The following NME7 variants were observed in gnomAD, a reference collection of about 807,000 sequenced individuals.
The protein encoded by NME7 is nucleoside diphosphate kinase 7.
A neutral mutation model predicts 49.1 loss-of-function variants in NME7; 41 were observed. The observed-to-expected ratio is 0.83, with a 90% confidence interval of 0.65 to 1.08. The LOEUF (loss-of-function observed/expected upper bound fraction) is 1.08. Ranked by LOEUF, NME7 falls within the 50% of genes least tolerant of loss-of-function variation. The pLI is 0.00. For missense variants in NME7, 423 were observed against 463.4 expected, an observed-to-expected ratio of 0.91 and a Z score of 0.80; for synonymous variants, 139 against 150.6, an observed-to-expected ratio of 0.92 and a Z score of 0.56.
intron 10 of NME7, among the ~76,000 whole-genome samples, chr1:169,202,576 GAAGTT>G (rs1258516489): frequency 6.6e-6 from 1 of 152,164 alleles, no homozygotes; most frequent in Non-Finnish European, 1.5e-5. Context: ...TAGGCCTACA[GAAGTT>G]AAGTAAGGCC....
At chr1:169,230,001 T>A (rs1647531976) in intron 10 of NME7, among the ~76,000 whole-genome samples, 1 of 151,652 alleles carries the variant, frequency 6.6e-6, no homozygotes, top group South Asian at 2.1e-4. Context: ...ATGCCCTGAA[T>A]AAAATTAAAT....
intron 7 of NME7, among the ~76,000 whole-genome samples, chr1:169,269,695 A>G (rs1455459889): frequency 7.5e-6 from 1 of 133,402 alleles, no homozygotes; most frequent in Admixed American, 7.4e-5. Flanking sequence ...GACATGATAA[A>G]TAAGACCTAG....
intron 10 of NME7, among the ~76,000 whole-genome samples, chr1:169,213,848 CACAAACAT>C (rs1660901378): frequency 6.6e-6 from 1 of 151,166 alleles, no homozygotes; most frequent in Admixed American, 6.6e-5. Flanking sequence ...TATATATACA[CACAAACAT>C]ACACACACAT....
intron 9 of NME7, among the ~76,000 whole-genome samples, chr1:169,232,008 A>G (rs1388268687): frequency 6.6e-6 from 1 of 152,226 alleles, no homozygotes; most frequent in Admixed American, 6.5e-5. Context: ...AGAAAACTCA[A>G]TAAATAGACC....
At chr1:169,287,590 G>T (rs1332992662) in intron 6 of NME7, among the ~76,000 whole-genome samples, 182 bp from the exon 7 acceptor site, 1 of 152,020 alleles carries the variant, frequency 6.6e-6, no homozygotes, top group East Asian at 1.9e-4. Flanking sequence ...CCTGTTTCAA[G>T]ACTTAGAACC....
Position 169,272,268 on chromosome 1 carries a change from G to C in NME7, c.754+15035C>G, listed in dbSNP as rs1432674963. On this transcript the variant is annotated intron_variant, in intron 7 of 11. Transcript: ENST00000367811. ...TTACATACAGTATTTTTTGGTTTTA[G>C]TTACATGTGCAATTTTTATTCTTCA... 4.5e-5 allele frequency among the ~76,000 whole-genome samples: 6 copies of C among 132,304 alleles called. 1 individual carries two copies. Among genetic ancestry groups the C allele is most frequent in the African/African-American group, 1.5e-4 (6 of 39,268 alleles). 86.8% of individuals were successfully genotyped at this position (132,304 alleles called of 152,430 possible).
intron 1 of NME7, among the ~76,000 whole-genome samples, chr1:169,349,510 C>T (rs1653074510): frequency 6.6e-6 from 1 of 152,146 alleles, no homozygotes. Flanking sequence ...CTTTCGCTTG[C>T]TTTCTAACAT....
At chr1:169,246,042 T>C (rs1648299247) in intron 7 of NME7, among the ~76,000 whole-genome samples, 1 of 152,022 alleles carries the variant, frequency 6.6e-6, no homozygotes. Context: ...TGCCTTGCAA[T>C]AAGGAAAAAT....
intron 11 of NME7, among the ~76,000 whole-genome samples, chr1:169,168,403 C>T (rs1659475422): frequency 6.6e-6 from 1 of 150,888 alleles, no homozygotes; most frequent in Admixed American, 6.6e-5. Flanking sequence ...GTAACACTAT[C>T]ACACTGTATA....
chr1:169,133,886 A>C (rs1206917786), intron 11 of NME7, among the ~76,000 whole-genome samples: 1 of 152,182 alleles, frequency 6.6e-6, no homozygotes, highest in Non-Finnish European at 1.5e-5. Context: ...AGGAAAGGGG[A>C]GCATTCATTC....
chr1:169,359,668 T>G (rs1016553221), intron 1 of NME7, among the ~76,000 whole-genome samples: 4 of 152,048 alleles, frequency 2.6e-5, no homozygotes, highest in Non-Finnish European at 4.4e-5. Flanking sequence ...TTTATAAACA[T>G]ATATAAAACA....
chr1:169,168,744 G>A (rs144757278), intron 11 of NME7: 10 of 395,740 alleles, frequency 2.5e-5, no homozygotes, highest in East Asian at 1.4e-4. Context: ...GAGCTTCATC[G>A]ATAACAAAAA....
intron 1 of NME7, among the ~76,000 whole-genome samples, chr1:169,341,942 T>C (rs555118615): frequency 1.3e-5 from 2 of 152,212 alleles, no homozygotes; most frequent in African/African-American, 2.4e-5. Context: ...GGCTCACAGG[T>C]AGAAAAGACT....
intron 7 of NME7, among the ~76,000 whole-genome samples, chr1:169,254,324 C>A (rs1246422492): frequency 1.3e-5 from 2 of 152,138 alleles, no homozygotes; most frequent in African/African-American, 4.8e-5. Flanking sequence ...TTATCCATTT[C>A]TTCTCGATTT....
At chr1:169,339,290 A>G (rs1401889336) in intron 1 of NME7, among the ~76,000 whole-genome samples, 2 of 152,180 alleles carry the variant, frequency 1.3e-5, no homozygotes, top group East Asian at 3.8e-4. Context: ...CTACCATCTT[A>G]AAAGAATATA....
At chr1:169,195,715 T>A (rs1187964633) in intron 10 of NME7, among the ~76,000 whole-genome samples, 1 of 152,176 alleles carries the variant, frequency 6.6e-6, no homozygotes, top group Non-Finnish European at 1.5e-5. Context: ...AGAATGGACA[T>A]TTAATTCATC....
chr1:169,312,549 C>T (rs1651437810), intron 3 of NME7, among the ~76,000 whole-genome samples: 1 of 152,182 alleles, frequency 6.6e-6, no homozygotes, highest in Non-Finnish European at 1.5e-5. Context: ...CTTAGCAATA[C>T]ACGGTAACTA....
At chr1:169,318,335 G>A (rs60575235) in intron 3 of NME7, among the ~76,000 whole-genome samples, 1,794 of 152,286 alleles carry the variant, frequency 0.012, 45 homozygotes, top group African/African-American at 0.041. Flanking sequence ...TTGGAGGGAA[G>A]AATGGAGACT....
intron 11 of NME7, among the ~76,000 whole-genome samples, chr1:169,161,476 T>A (rs1392917691): frequency 2.0e-5 from 3 of 152,208 alleles, no homozygotes; most frequent in Non-Finnish European, 4.4e-5. Context: ...TTCTGATTAA[T>A]CCTTGATTCA....
Sources: allele counts gnomAD v4.1 joint callset (sites outside exome capture counted in the v4.1 genomes callset), GRCh38; gene constraint gnomAD v4.1.1; transcripts MANE v1.5; gene names NCBI Gene and HGNC (gene_info 2026-07-23, HGNC 2026-07-21).